The following MGAT5 variants were observed in gnomAD, a reference collection of about 807,000 sequenced individuals.
MGAT5 encodes alpha-1,6-mannosylglycoprotein 6-beta-N-acetylglucosaminyltransferase A.
In MGAT5, 30 loss-of-function variants were observed where a neutral mutation model predicts 94.3. That is an observed-to-expected ratio of 0.32 (90% confidence interval 0.24 to 0.43). MGAT5 has a LOEUF of 0.43. Ranked by LOEUF, MGAT5 falls within the 20% of genes least tolerant of loss-of-function variation. The probability of loss-of-function intolerance (pLI) is 1.00; values close to 1 mark genes in which losing one functional copy is unlikely to be tolerated. For missense variants in MGAT5, 691 were observed against 905.5 expected (o/e 0.76, Z 3.04); for synonymous variants, 310 against 322.9 (o/e 0.96, Z 0.43).
intron 10 of MGAT5, among the ~76,000 whole-genome samples, chr2:134,375,784 T>TG (rs779886818): frequency 1.3e-3 from 200 of 152,294 alleles, no homozygotes; most frequent in Admixed American, 2.3e-3. Flanking sequence ...ACATGTGGGT[T>TG]GGGGGGATTT....
In MGAT5 at chr2:134,299,580, A is replaced by C. The variant is rs564806363; in HGVS notation, c.407-17949A>C. ...AATCAGGATCTTCTTTATTTCAGCAAGATGAACTACAAGTGTTGGTAAAGG... is the reference window on the plus strand; with the variant it reads ...AATCAGGATCTTCTTTATTTCAGCACGATGAACTACAAGTGTTGGTAAAGG... On this transcript the variant is annotated intron_variant, in intron 2 of 15. Coordinates refer to ENST00000281923, the MANE Select transcript of MGAT5 (RefSeq NM_002410.5). 5.3e-5 allele frequency among the ~76,000 whole-genome samples: 8 copies of C among 152,236 alleles called. No individual in the cohort carries two copies. The East Asian group carries it at 1.5e-3, about 29-fold the overall frequency.
intron 2 of MGAT5, among the ~76,000 whole-genome samples, chr2:134,277,220 T>C (rs1287080408): frequency 2.0e-5 from 3 of 152,190 alleles, no homozygotes; most frequent in Admixed American, 2.0e-4. Flanking sequence ...TTTCCCCATT[T>C]GTAAAATGGG....
intron 2 of MGAT5, among the ~76,000 whole-genome samples, chr2:134,281,844 C>G (rs1573694074): frequency 6.6e-6 from 1 of 152,158 alleles, no homozygotes; most frequent in African/African-American, 2.4e-5. Flanking sequence ...TTAATGTGAA[C>G]AGTACAAGTT....
intron 2 of MGAT5, among the ~76,000 whole-genome samples, chr2:134,300,098 G>A (rs1289374537): frequency 6.6e-6 from 1 of 152,122 alleles, no homozygotes; most frequent in African/African-American, 2.4e-5. Flanking sequence ...TTACACTGTT[G>A]GTTGTTCAGT....
At chr2:134,288,142 G>T (rs55832634) in intron 2 of MGAT5, among the ~76,000 whole-genome samples, 1 of 152,134 alleles carries the variant, frequency 6.6e-6, no homozygotes, top group African/African-American at 2.4e-5. Context: ...GCATGATTTT[G>T]TCTCCTGACA....
chr2:134,260,706 T>TC (rs1553433074), intron 1 of MGAT5, among the ~76,000 whole-genome samples: 15 of 148,768 alleles, frequency 1.0e-4, no homozygotes, highest in Admixed American at 2.0e-4. Flanking sequence ...CTTTTTCTTT[T>TC]TTTTTTTTTT....
chr2:134,285,160 T>C (rs1684927280), intron 2 of MGAT5, among the ~76,000 whole-genome samples: 3 of 152,176 alleles, frequency 2.0e-5, no homozygotes, highest in African/African-American at 7.2e-5. Flanking sequence ...TTATAATGCT[T>C]GATAAGGCCA....
At position 134,130,158 on chromosome 2, in the gene MGAT5, C is replaced by T. The variant is rs140314589; in HGVS notation, c.-143+9867C>T. ...TCTCGCCTGGCCTCAGCCATCTTCC[C>T]GCGGGGCAGGGCTGGGGATCTGCAG... is the stretch of plus-strand genomic sequence containing the variant. On this transcript the variant is annotated intron_variant, in intron 1 of 16. Transcript: ENST00000409645. 4.4e-3 allele frequency among the ~76,000 whole-genome samples: 672 copies of T among 151,948 alleles called. 1 individual carries two copies. Among genetic ancestry groups the T allele is most frequent in the Non-Finnish European group, 7.2e-3 (491 of 67,882 alleles).
chr2:134,276,213 G>C (rs868865416), intron 2 of MGAT5, among the ~76,000 whole-genome samples: 1 of 113,694 alleles, frequency 8.8e-6, no homozygotes, highest in Admixed American at 1.3e-4. Context: ...CACTGGTCTT[G>C]GAGGCCTCCA....
rs902017282 is a variant in MGAT5 at position 134,173,561 on chromosome 2, G to A, written c.-143+53270G>A. 1.4e-3 allele frequency among the ~76,000 whole-genome samples: 214 copies of A among 152,340 alleles called. 1 individual carries two copies. Among genetic ancestry groups the A allele is most frequent in the Non-Finnish European group, 2.1e-3 (140 of 68,032 alleles). ...TCATGAGGCAGGCAGACGTGTTGGC[G>A]TCATGTGGGACTCCTCGGCTGTGTC... is the stretch of plus-strand genomic sequence containing the variant. On this transcript the variant is annotated intron_variant, in intron 1 of 16. Coordinates refer to the MGAT5 transcript ENST00000409645.
intron 1 of MGAT5, among the ~76,000 whole-genome samples, chr2:134,133,102 T>G (rs1558949230): frequency 6.6e-6 from 1 of 152,186 alleles, no homozygotes; most frequent in African/African-American, 2.4e-5. Flanking sequence ...ATGGAGTCCA[T>G]TAGTGGGAAA....
chr2:134,283,107 G>T (rs1558758725), intron 2 of MGAT5, among the ~76,000 whole-genome samples: 5 of 152,112 alleles, frequency 3.3e-5, no homozygotes, highest in South Asian at 4.1e-4. Flanking sequence ...ATGTGTTAAC[G>T]CATTGGTTCA....
intron 1 of MGAT5, among the ~76,000 whole-genome samples, chr2:134,260,208 A>G (rs1573636666): frequency 6.6e-6 from 1 of 152,366 alleles, no homozygotes; most frequent in East Asian, 1.9e-4. Flanking sequence ...TCTGGTATCA[A>G]TATGGATGTT....
upstream of MGAT5, among the ~76,000 whole-genome samples, chr2:134,250,000 A>T (rs911902091): frequency 1.3e-5 from 2 of 152,182 alleles, no homozygotes; most frequent in Non-Finnish European, 2.9e-5. Flanking sequence ...TCCTCTAATG[A>T]CTAATGATGT....
chr2:134,291,662 C>T (rs1057186403), intron 2 of MGAT5, among the ~76,000 whole-genome samples: 17 of 152,192 alleles, frequency 1.1e-4, no homozygotes, highest in African/African-American at 4.1e-4. Flanking sequence ...GTGTGGCTGG[C>T]GTGCAGTGAA....
At chr2:134,403,573 T>C (rs1002591440) in intron 11 of MGAT5, among the ~76,000 whole-genome samples, 4 of 152,146 alleles carry the variant, frequency 2.6e-5, no homozygotes, top group African/African-American at 9.7e-5. Context: ...CAAGTACGCA[T>C]TGGACAGTGA....
intron 1 of MGAT5, among the ~76,000 whole-genome samples, chr2:134,212,770 C>T (rs1406666687): frequency 6.6e-6 from 1 of 152,134 alleles, no homozygotes; most frequent in Non-Finnish European, 1.5e-5. Context: ...CAGTCTGTTT[C>T]CCTCTTCTTC....
chr2:134,367,369 A>G (rs915438802), intron 10 of MGAT5, among the ~76,000 whole-genome samples: 3 of 152,242 alleles, frequency 2.0e-5, no homozygotes, highest in Admixed American at 2.0e-4. Context: ...TTCTTAGTCT[A>G]TGTAAGTGGT....
chr2:134,347,599 A>G (rs1486819389), intron 8 of MGAT5, among the ~76,000 whole-genome samples: 1 of 152,248 alleles, frequency 6.6e-6, no homozygotes. Context: ...AAGGAAAAAG[A>G]TAACAATACA....
Sources: allele counts gnomAD v4.1 joint callset (sites outside exome capture counted in the v4.1 genomes callset), GRCh38; gene constraint gnomAD v4.1.1; transcripts MANE v1.5; gene names NCBI Gene and HGNC (gene_info 2026-07-23, HGNC 2026-07-21).